DNAH11: variants seen among roughly 807,000 people sequenced by gnomAD.
DNAH11 encodes the protein dynein axonemal heavy chain 11, also known as axonemal beta dynein heavy chain 11.
In DNAH11, 442 loss-of-function variants were observed where a neutral mutation model predicts 526.0. The observed-to-expected ratio is 0.84, with a 90% CI of 0.78 to 0.91. DNAH11 has a LOEUF of 0.91. DNAH11 is among the 40% of genes least tolerant of loss of function. The probability of loss-of-function intolerance (pLI) is 0.00; values close to 1 mark genes in which losing one functional copy is unlikely to be tolerated. For synonymous variants in DNAH11, 2,461 were observed against 1,935.9 expected (o/e 1.27, Z -7.12); for missense variants, 6,989 against 5,448.7 (o/e 1.28, Z -8.90).
chr7:21,588,443 T>A, intron 10 of DNAH11, 69 bp from the exon 11 acceptor site: 1 of 1,571,534 alleles, frequency 6.4e-7, no homozygotes, highest in African/African-American at 1.4e-5. Flanking sequence ...GAAAAATTGC[T>A]TACAGGGTTG....
Position 21,655,920 on chromosome 7 carries a change from G to C in DNAH11, c.5033G>C (p.Gly1678Ala). 3.7e-6 allele frequency: 6 copies of C among 1,613,180 alleles called. No individual in the cohort carries two copies. Among genetic ancestry groups the C allele is most frequent in the Non-Finnish European group, 4.2e-6 (5 of 1,179,438 alleles). The change falls in exon 29 of 82, where the codon GGA becomes GCA. Residue 1678 changes from glycine to alanine, a missense_variant. Coordinates refer to ENST00000409508, the MANE Select transcript of DNAH11 (RefSeq NM_001277115.2). ...GATGTTTCTGCACACAGGGCAGTTG[G>C]AATGTACAGCAAAGAAAAGGAGTAT... ...NQDVSAHRAV[G>A]MYSKEKEYVP...
rs974818101 is a variant in DNAH11 at position 21,603,538 on chromosome 7, T to A, written c.3648+1920T>A. Reference sequence around the variant, plus strand: ...TTCTGTCATTTTGCTTTGTGAGGATTAAATGCAGCAGGGTATTTACAAGTG... The same window carrying A: ...TTCTGTCATTTTGCTTTGTGAGGATAAAATGCAGCAGGGTATTTACAAGTG... On this transcript the variant is annotated intron_variant, in intron 18 of 81. Transcript: ENST00000409508. Among the ~76,000 whole-genome samples, 3 of 152,220 alleles carry A rather than the reference T, an allele frequency of 2.0e-5. 1 individual carries two copies. The highest frequency in any genetic ancestry group is 6.5e-5 in the Admixed American group (1 of 15,278).
At chr7:21,856,384 G>C (rs1288075551) in intron 68 of DNAH11, among the ~76,000 whole-genome samples, 1 of 152,182 alleles carries the variant, frequency 6.6e-6, no homozygotes, top group African/African-American at 2.4e-5. Context: ...TTTCCTAACA[G>C]TACAGAACTA....
At chr7:21,747,354 G>C (rs1786193115) in intron 51 of DNAH11, among the ~76,000 whole-genome samples, 1 of 152,034 alleles carries the variant, frequency 6.6e-6, no homozygotes, top group African/African-American at 2.4e-5. Context: ...TCCCAACTTA[G>C]TTTTTTCAAA....
intron 28 of DNAH11, among the ~76,000 whole-genome samples, chr7:21,654,187 T>C (rs1781910319): frequency 6.6e-6 from 1 of 152,150 alleles, no homozygotes; most frequent in Non-Finnish European, 1.5e-5. Flanking sequence ...TCCAAACCAT[T>C]TTCATCAAGC....
chr7:21,756,540 G>C (rs2128494860), intron 54 of DNAH11, among the ~76,000 whole-genome samples: 1 of 151,594 alleles, frequency 6.6e-6, no homozygotes, highest in South Asian at 2.1e-4. Context: ...TATGAAATCA[G>C]TTTGATGACT....
intron 65 of DNAH11, among the ~76,000 whole-genome samples, chr7:21,829,323 C>T (rs1251860607): frequency 2.6e-5 from 4 of 152,002 alleles, no homozygotes; most frequent in African/African-American, 9.7e-5. Context: ...CTGATGAAGC[C>T]TCCAGAATGG....
rs531832609 is a variant in DNAH11, at chr7:21,654,255, C to G, written c.4945-1577C>G. Among the ~76,000 whole-genome samples the G allele has an allele frequency of 2.0e-5, 3 of 152,264 alleles. No homozygotes were observed. The East Asian group carries it at 5.8e-4, about 29-fold the overall frequency. On this transcript the variant is annotated intron_variant, in intron 28 of 81. Transcript: ENST00000409508. ...CCTTCTCATACCCCTCCCTCCAGCCCCTAGCAGCCGCCAATCTGCTGTCTG... is the reference window on the plus strand; with the variant it reads ...CCTTCTCATACCCCTCCCTCCAGCCGCTAGCAGCCGCCAATCTGCTGTCTG...
At chr7:21,735,070 T>A (rs116874582) in intron 45 of DNAH11, among the ~76,000 whole-genome samples, 1 of 151,638 alleles carries the variant, frequency 6.6e-6, no homozygotes, top group East Asian at 1.9e-4. Context: ...CTCAGGAGGC[T>A]GAAGTGGGAG....
chr7:21,695,832 AATCT>A (rs1306793468), intron 35 of DNAH11, among the ~76,000 whole-genome samples: 1 of 152,186 alleles, frequency 6.6e-6, no homozygotes, highest in African/African-American at 2.4e-5. Context: ...AAATTTTTGC[AATCT>A]ATCCATCTGA....
intron 62 of DNAH11, among the ~76,000 whole-genome samples, chr7:21,804,974 T>C (rs1467210849): frequency 6.6e-6 from 1 of 152,296 alleles, no homozygotes; most frequent in Middle Eastern, 3.4e-3. Context: ...TCTTGCCCCA[T>C]CTTCACTGGC....
In DNAH11 at chr7:21,678,585, C is replaced by CA. The variant is rs57997636; in HGVS notation, c.5329-2950dup. On this transcript the variant is annotated intron_variant, in intron 30 of 81. Transcript: ENST00000409508. Reference sequence around the variant, plus strand: ...TTTAAGATTGTTTTTTCTACATCTGCAAAAAAAAAAATGGCATCAAAATCT... The same window carrying CA: ...TTTAAGATTGTTTTTTCTACATCTGCAAAAAAAAAAAATGGCATCAAAATCT... Among the ~76,000 whole-genome samples, 1,238 of 141,954 alleles carry CA rather than the reference C, an allele frequency of 8.7e-3. 7 individuals carry two copies. The highest frequency in any genetic ancestry group is 0.016 in the African/African-American group (626 of 39,004). The allele number at this position is 141,954 out of a possible 152,430, so 93.1% of individuals were successfully genotyped here.
intron 45 of DNAH11, among the ~76,000 whole-genome samples, chr7:21,729,123 C>G (rs990547349): frequency 1.3e-5 from 2 of 152,236 alleles, no homozygotes; most frequent in African/African-American, 4.8e-5. Flanking sequence ...AGTAGATGTT[C>G]TGCTGATCTG....
intron 28 of DNAH11, among the ~76,000 whole-genome samples, chr7:21,643,233 T>C (rs1454309329): frequency 1.3e-5 from 2 of 152,196 alleles, no homozygotes; most frequent in African/African-American, 4.8e-5. Flanking sequence ...AGTATAGTTG[T>C]TAAAGTCAGA....
chr7:21,900,830 A>G, intron 81 of DNAH11, 177 bp from the exon 82 acceptor site: 1 of 996,556 alleles, frequency 1.0e-6, no homozygotes, highest in Non-Finnish European at 1.4e-6. Context: ...CCTCCGCTGC[A>G]GGCAGGGTAA....
chr7:21,543,594 G>A lies in DNAH11; in HGVS notation c.349G>A (p.Glu117Lys), dbSNP rs545554422. The A allele has an allele frequency of 1.3e-6, 2 of 1,588,848 alleles. No individual in the cohort carries two copies. The highest frequency in any genetic ancestry group is 2.3e-5 in the East Asian group (1 of 43,816). The change falls in exon 1 of 82, where the codon GAG becomes AAG. Residue 117 changes from glutamate to lysine, a missense_variant and splice_region_variant. Glu to Lys is a moderately conservative substitution (Grantham distance 56, BLOSUM62 1). Transcript: ENST00000409508. ...CTCGGGGCGCCTTGCGGCTTCCCAGGAGGTAAGAGGCGACGGGCAAGGGGA... is the reference window on the plus strand; with the variant it reads ...CTCGGGGCGCCTTGCGGCTTCCCAGAAGGTAAGAGGCGACGGGCAAGGGGA... Reference protein sequence around the residue: ...AASGRLAASQEIPRDANHKLV... With the variant: ...AASGRLAASQKIPRDANHKLV...
intron 68 of DNAH11, among the ~76,000 whole-genome samples, 156 bp from the exon 69 acceptor site, chr7:21,861,697 G>A (rs1239328961): frequency 6.6e-6 from 1 of 152,128 alleles, no homozygotes; most frequent in Non-Finnish European, 1.5e-5. Flanking sequence ...CATTTAATGA[G>A]CATGTACCAT....
At chr7:21,760,504 A>G (rs1786851794) in intron 54 of DNAH11, among the ~76,000 whole-genome samples, 1 of 152,200 alleles carries the variant, frequency 6.6e-6, no homozygotes, top group South Asian at 2.1e-4. Flanking sequence ...TGACTGGTCA[A>G]GTTCCAAAAT....
chr7:21,681,726 T>C (rs1783148020), intron 31 of DNAH11, 49 bp downstream of exon 31: 1 of 1,605,500 alleles, frequency 6.2e-7, no homozygotes, highest in Non-Finnish European at 8.5e-7. Context: ...TTCCTGAAAG[T>C]GGTGTTTATT....
Sources: allele counts gnomAD v4.1 joint callset (sites outside exome capture counted in the v4.1 genomes callset), GRCh38; gene constraint gnomAD v4.1.1; transcripts MANE v1.5; gene names NCBI Gene and HGNC (gene_info 2026-07-23, HGNC 2026-07-21).